PHF24: variants seen among roughly 807,000 people sequenced by gnomAD.
PHF24 encodes the protein PHD finger protein 24.
Under a neutral mutation model 42.6 loss-of-function variants are expected in PHF24, and 25 were observed. That is an observed-to-expected ratio of 0.59 (90% CI 0.43 to 0.82). The LOEUF (loss-of-function observed/expected upper bound fraction) is 0.82. Ranked by LOEUF, PHF24 falls within the 40% of genes least tolerant of loss-of-function variation. The pLI is 0.00. For missense variants in PHF24, 470 were observed against 538.1 expected, an observed-to-expected ratio of 0.87 and a Z score of 1.25; for synonymous variants, 185 against 204.8, an observed-to-expected ratio of 0.90 and a Z score of 0.83.
the PHF24 span, among the ~76,000 whole-genome samples, chr9:34,769,937 C>A: frequency 6.6e-6 from 1 of 152,006 alleles, no homozygotes; most frequent in Non-Finnish European, 1.5e-5. Context: ...TTGAAAAAAT[C>A]ATATATAAAT....
At chr9:34,884,392 A>T in the PHF24 span, among the ~76,000 whole-genome samples, 134 of 152,320 alleles carry the variant, frequency 8.8e-4, no homozygotes, top group African/African-American at 3.1e-3. Flanking sequence ...ATAATTTTTT[A>T]AAAATAAGAC....
the PHF24 span, among the ~76,000 whole-genome samples, chr9:34,845,950 T>A: frequency 6.6e-6 from 1 of 152,108 alleles, no homozygotes; most frequent in African/African-American, 2.4e-5. Flanking sequence ...TATGGGTGCA[T>A]AGTATTCCAT....
chr9:34,825,131 A>G, the PHF24 span, among the ~76,000 whole-genome samples: 1 of 151,898 alleles, frequency 6.6e-6, no homozygotes, highest in East Asian at 1.9e-4. Context: ...CCCGAGGATA[A>G]CGTGGACTAA....
At chr9:34,713,888 A>G in the PHF24 span, among the ~76,000 whole-genome samples, 1 of 152,106 alleles carries the variant, frequency 6.6e-6, no homozygotes, top group Admixed American at 6.5e-5. Context: ...TAGGGAAACC[A>G]TAGGAAGAGG....
chr9:34,859,816 C>G, the PHF24 span, among the ~76,000 whole-genome samples: 1 of 152,150 alleles, frequency 6.6e-6, no homozygotes, highest in African/African-American at 2.4e-5. Flanking sequence ...ATGTTTTCTA[C>G]TCTTGCTGTT....
At chr9:34,708,006 A>G in the PHF24 span, among the ~76,000 whole-genome samples, 1 of 152,078 alleles carries the variant, frequency 6.6e-6, no homozygotes, top group Non-Finnish European at 1.5e-5. Flanking sequence ...CTGGGATTAC[A>G]GGCCTGAGCC....
At chr9:34,742,617 A>T in the PHF24 span, among the ~76,000 whole-genome samples, 2 of 152,042 alleles carry the variant, frequency 1.3e-5, no homozygotes, top group Non-Finnish European at 2.9e-5. Context: ...TTTTATAGAG[A>T]CAGGGTCTCT....
At chr9:34,668,319 A>G in the PHF24 span, among the ~76,000 whole-genome samples, 3 of 152,224 alleles carry the variant, frequency 2.0e-5, no homozygotes, top group Non-Finnish European at 2.9e-5. Context: ...CAGAGGCTCC[A>G]GGACCCATCC....
chr9:34,696,855 C>T, the PHF24 span, among the ~76,000 whole-genome samples: 2,944 of 152,246 alleles, frequency 0.019, 112 homozygotes, highest in African/African-American at 0.067. Flanking sequence ...AAAGGCATGC[C>T]TTTTTCCCTC....
the PHF24 span, among the ~76,000 whole-genome samples, chr9:34,766,003 T>G: frequency 0.19 from 28,490 of 151,142 alleles, 2,906 homozygotes; most frequent in African/African-American, 0.29. Flanking sequence ...GAAAATTCTT[T>G]TCTTTAAGAA....
At chr9:34,829,362 T>C in the PHF24 span, among the ~76,000 whole-genome samples, 2 of 152,144 alleles carry the variant, frequency 1.3e-5, no homozygotes, top group African/African-American at 2.4e-5. Flanking sequence ...TCCAAATATA[T>C]ATGTTGATTA....
the PHF24 span, among the ~76,000 whole-genome samples, chr9:34,843,285 A>G: frequency 2.0e-5 from 3 of 152,242 alleles, no homozygotes; most frequent in African/African-American, 7.2e-5. Context: ...GGTTTGTTGC[A>G]TGAAAACATT....
intron 1 of PHF24, among the ~76,000 whole-genome samples, chr9:34,962,469 TACTC>T (rs746490382): frequency 6.6e-6 from 1 of 151,824 alleles, no homozygotes; most frequent in East Asian, 1.9e-4. Flanking sequence ...CACACGCACA[TACTC>T]ACTGCATTCT....
At chr9:34,716,165 G>A in the PHF24 span, among the ~76,000 whole-genome samples, 1 of 152,186 alleles carries the variant, frequency 6.6e-6, no homozygotes, top group Non-Finnish European at 1.5e-5. Context: ...TACTGAAGGA[G>A]CTACTCAGTT....
chr9:34,806,602 G>A, the PHF24 span, among the ~76,000 whole-genome samples: 8,159 of 152,066 alleles, frequency 0.054, 709 homozygotes, highest in African/African-American at 0.19. Flanking sequence ...AGGATTACAG[G>A]TGCCTGCCAC....
chr9:34,847,915 T>G, the PHF24 span, among the ~76,000 whole-genome samples: 1 of 152,350 alleles, frequency 6.6e-6, no homozygotes, highest in African/African-American at 2.4e-5. Context: ...TTGATTTGGG[T>G]ATATTGAACC....
chr9:34,946,775 C>T, the PHF24 span, among the ~76,000 whole-genome samples: 2 of 152,014 alleles, frequency 1.3e-5, no homozygotes, highest in Non-Finnish European at 2.9e-5. Flanking sequence ...GGTGCAAGGT[C>T]ACAAAGATCC....
chr9:34,723,963 G>T, the PHF24 span: 200 of 1,551,022 alleles, frequency 1.3e-4, 1 homozygote, highest in Admixed American at 7.1e-4. Flanking sequence ...GACCCTCGGG[G>T]TGTCTTGTTT....
At chr9:34,946,193 C>T in the PHF24 span, among the ~76,000 whole-genome samples, 6 of 152,206 alleles carry the variant, frequency 3.9e-5, no homozygotes, top group African/African-American at 1.4e-4. Context: ...TTTAACTATA[C>T]TTAACACATA....
Sources: allele counts gnomAD v4.1 joint callset (sites outside exome capture counted in the v4.1 genomes callset), GRCh38; gene constraint gnomAD v4.1.1; transcripts MANE v1.5; gene names NCBI Gene and HGNC (gene_info 2026-07-23, HGNC 2026-07-21).